The following NTM variants were observed in gnomAD, a reference collection of about 807,000 sequenced individuals.
NTM encodes the protein neurotrimin.
In NTM, 13 loss-of-function variants were observed where a neutral mutation model predicts 42.1. That is an observed-to-expected ratio of 0.31 (90% confidence interval 0.20 to 0.49). The LOEUF (loss-of-function observed/expected upper bound fraction) is 0.49. NTM is among the 20% of genes least tolerant of loss of function. NTM has a pLI of 0.99. For missense variants in NTM, 373 were observed against 452.8 expected (o/e 0.82, Z 1.60); for synonymous variants, 187 against 179.2 (o/e 1.04, Z -0.35).
At chr11:131,448,729 G>A (rs116220941) in intron 1 of NTM, among the ~76,000 whole-genome samples, 2,981 of 152,330 alleles carry the variant, frequency 0.02, 111 homozygotes, top group African/African-American at 0.068. Flanking sequence ...AGAAGGCCTC[G>A]AAGTCCAGCC....
chr11:131,726,877 C>A lies in NTM; in HGVS notation c.83-184687C>A, dbSNP rs529346711. On this transcript the variant is annotated intron_variant, in intron 1 of 8. Transcript: ENST00000683400. ...TACAGGTGTGCACCACCATGCATGG[C>A]TATTTTTTTCCACAGAGACGGGGCT... Among the ~76,000 whole-genome samples, 9 of 151,398 alleles carry A rather than the reference C, an allele frequency of 5.9e-5. 1 individual carries two copies. In the South Asian group the frequency reaches 1.9e-3, roughly 31 times the overall value.
intron 3 of NTM, among the ~76,000 whole-genome samples, chr11:132,151,878 A>G (rs1404378294): frequency 6.6e-6 from 1 of 152,218 alleles, no homozygotes; most frequent in Non-Finnish European, 1.5e-5. Flanking sequence ...CAGCCCAGGC[A>G]GTGACTTGCA....
intron 2 of NTM, among the ~76,000 whole-genome samples, chr11:131,997,124 T>G (rs1483270593): frequency 6.6e-6 from 1 of 152,158 alleles, no homozygotes; most frequent in Non-Finnish European, 1.5e-5. Flanking sequence ...GTTACCTCTG[T>G]TTCTTTGATA....
chr11:131,433,405 T>G (rs1467025940), intron 1 of NTM, among the ~76,000 whole-genome samples: 1 of 152,206 alleles, frequency 6.6e-6, no homozygotes, highest in Non-Finnish European at 1.5e-5. Flanking sequence ...CATCTGGAAC[T>G]CCCATCACCA....
intron 1 of NTM, among the ~76,000 whole-genome samples, chr11:131,658,860 T>C (rs2011983): frequency 0.8 from 121,986 of 151,932 alleles, 49,318 homozygotes; most frequent in East Asian, 0.89. Context: ...AATCCCAGCT[T>C]CTCGGGAGGC....
intron 1 of NTM, among the ~76,000 whole-genome samples, chr11:131,746,992 A>G (rs1220701667): frequency 6.6e-6 from 1 of 152,232 alleles, no homozygotes; most frequent in Non-Finnish European, 1.5e-5. Flanking sequence ...AATATCTAAC[A>G]TATACCTTTG....
rs142476837 is a variant in NTM at position 132,042,051 on chromosome 11, T to C, written c.168-104231T>C. The stretch of plus-strand genomic sequence containing the variant: ...TTATCCTGAAGGCCTGGCATTCTAT[T>C]GAACTTGTTAAATTTATGACTGTGT... On this transcript the variant is annotated intron_variant, in intron 2 of 8. Transcript: ENST00000683400. 1.4e-4 allele frequency among the ~76,000 whole-genome samples: 21 copies of C among 152,342 alleles called. No homozygotes were observed. In the East Asian group the frequency reaches 4.0e-3, roughly 29 times the overall value.
At chr11:132,257,616 A>G (rs1250335711) in intron 4 of NTM, among the ~76,000 whole-genome samples, 3 of 152,144 alleles carry the variant, frequency 2.0e-5, no homozygotes, top group Non-Finnish European at 4.4e-5. Flanking sequence ...CCCTCACTAC[A>G]CACCACTTGC....
chr11:131,584,451 C>T (rs2058682009), intron 1 of NTM, among the ~76,000 whole-genome samples: 1 of 152,034 alleles, frequency 6.6e-6, no homozygotes, highest in African/African-American at 2.4e-5. Context: ...AATGAGCCTC[C>T]CTGGAGTGTG....
chr11:131,528,929 C>T (rs1032473585), intron 1 of NTM, among the ~76,000 whole-genome samples: 3 of 152,086 alleles, frequency 2.0e-5, no homozygotes, highest in East Asian at 1.9e-4. Flanking sequence ...TTTGTATTTC[C>T]GAATAGATTA....
At chr11:131,500,597 T>C (rs1252575231) in intron 1 of NTM, among the ~76,000 whole-genome samples, 18 of 113,044 alleles carry the variant, frequency 1.6e-4, no homozygotes, top group African/African-American at 5.3e-4. Flanking sequence ...TTTTTTTTTG[T>C]ATTATACTTT....
chr11:131,610,463 GC>G (rs1173162832), intron 1 of NTM, among the ~76,000 whole-genome samples: 1 of 152,092 alleles, frequency 6.6e-6, no homozygotes, highest in East Asian at 1.9e-4. Context: ...AGAATAGTGG[GC>G]TCAACCCAGC....
intron 2 of NTM, among the ~76,000 whole-genome samples, chr11:132,112,717 T>TGACACA (rs1433595492): frequency 2.6e-5 from 2 of 77,140 alleles, no homozygotes; most frequent in Non-Finnish European, 5.1e-5. Flanking sequence ...GACTGCACAC[T>TGACACA]TACACACACA....
chr11:131,419,050 C>T (rs1019541641), intron 1 of NTM, among the ~76,000 whole-genome samples: 3 of 152,156 alleles, frequency 2.0e-5, no homozygotes, highest in Admixed American at 6.5e-5. Context: ...CATAGATCCA[C>T]CCATCTTCCC....
rs527710958 is a variant in NTM, at chr11:131,635,819, A to C, written c.82+264931A>C. On this transcript the variant is annotated intron_variant, in intron 1 of 8. Coordinates refer to ENST00000683400, the MANE Select transcript of NTM (RefSeq NM_001352005.2). ...TTCCAGTCCTGCAAACTCCATTCAT[A>C]GTAAGTGCCCTATACAGGGGCACTA... Among the ~76,000 whole-genome samples the C allele has an allele frequency of 1.5e-4, 23 of 152,308 alleles. 2 individuals carry two copies. The South Asian group carries it at 4.6e-3, about 30-fold the overall frequency.
intron 2 of NTM, among the ~76,000 whole-genome samples, chr11:132,128,238 G>GTT (rs5795754): frequency 6.7e-6 from 1 of 149,500 alleles, no homozygotes; most frequent in Non-Finnish European, 1.5e-5. Context: ...CTGTGAGTGT[G>GTT]TTTTTTTTTT....
intron 2 of NTM, among the ~76,000 whole-genome samples, chr11:132,140,045 A>G (rs2068768407): frequency 6.6e-6 from 1 of 152,234 alleles, no homozygotes; most frequent in African/African-American, 2.4e-5. Context: ...GAATGTATTT[A>G]CATGCATGTT....
At chr11:131,964,572 GAAA>G (rs60045485) in intron 2 of NTM, among the ~76,000 whole-genome samples, 1 of 152,020 alleles carries the variant, frequency 6.6e-6, no homozygotes, top group Non-Finnish European at 1.5e-5. Context: ...TGGGACACAA[GAAA>G]AAAATAAATA....
rs545889618 is a variant in NTM at position 132,217,873 on chromosome 11, A to G, written c.526+5726A>G. On this transcript the variant is annotated intron_variant, in intron 4 of 8. Transcript: ENST00000683400. ...CCTGTGCTCCCCCTCCCCTTCCCCA[A>G]TATCCTCACCCCACCATACATCCAC... Among the ~76,000 whole-genome samples, 8 of 151,992 alleles carry G rather than the reference A, an allele frequency of 5.3e-5. No individual in the cohort carries two copies. In the South Asian group the frequency reaches 1.2e-3, roughly 24 times the overall value.
Sources: allele counts gnomAD v4.1 joint callset (sites outside exome capture counted in the v4.1 genomes callset), GRCh38; gene constraint gnomAD v4.1.1; transcripts MANE v1.5; gene names NCBI Gene and HGNC (gene_info 2026-07-23, HGNC 2026-07-21).